Variants in PLCB4 observed in about 807,000 individuals in gnomAD.
PLCB4 encodes the protein phospholipase C beta 4, also known as 1-phosphatidylinositol 4,5-bisphosphate phosphodiesterase beta-4.
PLCB4 carries 77 observed loss-of-function variants against 178.8 expected under a neutral mutation model. The ratio of observed to expected loss-of-function variants is 0.43; its 90% CI spans 0.36 to 0.52. The LOEUF is 0.52. Ranked by LOEUF, PLCB4 falls within the 20% of genes least tolerant of loss-of-function variation. The pLI is 0.00. For missense variants in PLCB4, 1,024 were observed against 1,453.4 expected (o/e 0.70, Z 4.80); for synonymous variants, 496 against 490.8 (o/e 1.01, Z -0.14).
intron 13 of PLCB4, among the ~76,000 whole-genome samples, chr20:9,381,273 G>A (rs2037119203): frequency 2.0e-5 from 3 of 152,156 alleles, no homozygotes; most frequent in Admixed American, 2.0e-4. Flanking sequence ...TATGATTCTT[G>A]TCACTTCCCT....
chr20:9,152,709 C>A (rs1339914071), intron 2 of PLCB4, among the ~76,000 whole-genome samples: 2 of 152,146 alleles, frequency 1.3e-5, no homozygotes, highest in African/African-American at 4.8e-5. Flanking sequence ...ACACAGATAC[C>A]CTACTGGGGC....
At chr20:9,090,926 G>T (rs6056400) in intron 1 of PLCB4, among the ~76,000 whole-genome samples, 94,804 of 152,020 alleles carry the variant, frequency 0.62, 30,263 homozygotes, top group Middle Eastern at 0.76. Flanking sequence ...CATGCAATTT[G>T]TTTTCTTTCG....
intron 36 of PLCB4, among the ~76,000 whole-genome samples, chr20:9,471,372 TAATA>T (rs1357171216): frequency 1.1e-4 from 17 of 151,812 alleles, no homozygotes; most frequent in African/African-American, 4.1e-4. Flanking sequence ...TTGAAAAGAA[TAATA>T]AATCAGTTAA....
At chr20:9,086,205 A>G (rs6086768) in intron 1 of PLCB4, among the ~76,000 whole-genome samples, 2 of 152,178 alleles carry the variant, frequency 1.3e-5, no homozygotes, top group African/African-American at 4.8e-5. Flanking sequence ...AAACTCGTGT[A>G]TGTAGATGAA....
intron 32 of PLCB4, among the ~76,000 whole-genome samples, chr20:9,444,627 T>G (rs1353169369): frequency 6.6e-6 from 1 of 152,014 alleles, no homozygotes; most frequent in Non-Finnish European, 1.5e-5. Context: ...CTGGGTGTGG[T>G]GACATACCCC....
intron 33 of PLCB4, among the ~76,000 whole-genome samples, chr20:9,456,036 A>G (rs1335537582): frequency 3.9e-5 from 6 of 152,120 alleles, no homozygotes; most frequent in Non-Finnish European, 4.4e-5. Context: ...GGGTTTCACC[A>G]TGTTGGCCAG....
intron 2 of PLCB4, among the ~76,000 whole-genome samples, chr20:9,110,210 A>T (rs867155014): frequency 3.2e-4 from 49 of 151,912 alleles, no homozygotes; most frequent in East Asian, 1.5e-3. Context: ...TTTTTTTTTT[A>T]AAACATATAA....
chr20:9,111,071 C>G (rs1236701721), intron 2 of PLCB4, among the ~76,000 whole-genome samples: 1 of 152,124 alleles, frequency 6.6e-6, no homozygotes, highest in Non-Finnish European at 1.5e-5. Flanking sequence ...GGGAAACTTT[C>G]CATGTCATAT....
At chr20:9,366,170 A>G (rs1189838444) in intron 9 of PLCB4, among the ~76,000 whole-genome samples, 1 of 150,856 alleles carries the variant, frequency 6.6e-6, no homozygotes, top group African/African-American at 2.4e-5. Context: ...CGGGTGGATC[A>G]CAGGTCAGGA....
At chr20:9,299,465 T>C (rs6133694) in intron 3 of PLCB4, among the ~76,000 whole-genome samples, 7,051 of 152,102 alleles carry the variant, frequency 0.046, 360 homozygotes, top group Admixed American at 0.15. Flanking sequence ...TGTACATATG[T>C]AAGCAATATG....
chr20:9,156,102 A>G (rs2092783374), intron 2 of PLCB4, among the ~76,000 whole-genome samples: 1 of 152,170 alleles, frequency 6.6e-6, no homozygotes, highest in Admixed American at 6.5e-5. Context: ...ATGGTCACTA[A>G]GAAGACCTTT....
Position 9,434,887 on chromosome 20 carries a change from T to A in PLCB4, c.2525-673T>A, listed in dbSNP as rs1602685292. On this transcript the variant is annotated intron_variant, in intron 28 of 39. Transcript: ENST00000378473. ...GATGGTTTCAAGTTAACAAGAATAA[T>A]TTTGCCTTCTATAGTATGAGTAAAT... 2.0e-5 allele frequency among the ~76,000 whole-genome samples: 3 copies of A among 152,282 alleles called. No individual in the cohort carries two copies. In the East Asian group the frequency reaches 5.8e-4, roughly 29 times the overall value.
At chr20:9,169,750 ATTGT>A (rs1425117521) in intron 2 of PLCB4, among the ~76,000 whole-genome samples, 1 of 152,198 alleles carries the variant, frequency 6.6e-6, no homozygotes, top group Middle Eastern at 3.4e-3. Context: ...CCTCCACAAC[ATTGT>A]TTGTGAAAAT....
At position 9,355,692 on chromosome 20, in the gene PLCB4, A is replaced by T. The variant is rs530657401; in HGVS notation, c.370-7204A>T. On this transcript the variant is annotated intron_variant, in intron 7 of 39. Transcript: ENST00000378473. ...GTGCCACATTTTCTTAATCCAGTCT[A>T]TCATTGTTGGACATTTGGGTTGGTT... Among the ~76,000 whole-genome samples, 73 of 151,844 alleles carry T rather than the reference A, an allele frequency of 4.8e-4. No homozygotes were observed. The Middle Eastern group carries it at 0.027, about 57-fold the overall frequency.
chr20:9,105,025 G>C (rs945221922), intron 2 of PLCB4, among the ~76,000 whole-genome samples: 1 of 151,960 alleles, frequency 6.6e-6, no homozygotes, highest in Non-Finnish European at 1.5e-5. Flanking sequence ...TGAGATATAT[G>C]TAACAAGTGC....
At chr20:9,464,187 A>C (rs951561852) in intron 35 of PLCB4, among the ~76,000 whole-genome samples, 2 of 152,192 alleles carry the variant, frequency 1.3e-5, no homozygotes, top group Non-Finnish European at 2.9e-5. Context: ...CTACTGGGTA[A>C]ATAATGGAAT....
intron 30 of PLCB4, among the ~76,000 whole-genome samples, chr20:9,438,612 T>C (rs1011234725): frequency 6.6e-6 from 1 of 152,032 alleles, no homozygotes; most frequent in Non-Finnish European, 1.5e-5. Context: ...TTACCAAATC[T>C]ATATCAGGTG....
chr20:9,207,384 C>T (rs942354826), intron 2 of PLCB4, among the ~76,000 whole-genome samples: 1 of 152,198 alleles, frequency 6.6e-6, no homozygotes, highest in Admixed American at 6.5e-5. Context: ...AGAAACATCA[C>T]TGAGTAAATG....
Position 9,409,100 on chromosome 20 carries a change from C to T in PLCB4, c.1918C>T (p.Arg640Ter), listed in dbSNP as rs775402475. Residue 640 changes from arginine to a stop codon, truncating the protein, a stop_gained, in exon 24 of 40, where the codon CGA becomes TGA. Coordinates refer to ENST00000378473, the MANE Select transcript of PLCB4 (RefSeq NM_001377142.1). LOFTEE classifies it high-confidence loss of function. Reference sequence around the variant, plus strand: ...GAGTCGCATTTACCCCAAGGGAGGCCGAGTCGATTCCAGTAATTACATGCC... The same window carrying T: ...GAGTCGCATTTACCCCAAGGGAGGCTGAGTCGATTCCAGTAATTACATGCC... ...QMSRIYPKGGRVDSSNYMPQI... is the reference protein window; with the variant it reads ...QMSRIYPKGG The T allele has an allele frequency of 3.7e-6, 6 of 1,606,516 alleles. No individual in the cohort carries two copies. Among genetic ancestry groups the T allele is most frequent in the Non-Finnish European group, 4.2e-6 (5 of 1,178,078 alleles).
Sources: gnomAD v4.1 joint callset for allele counts (sites outside exome capture counted in the v4.1 genomes callset) on GRCh38, gnomAD v4.1.1 for gene constraint, MANE v1.5 for transcripts, NCBI Gene and HGNC (gene_info 2026-07-23, HGNC 2026-07-21) for gene names.